The following STRN3 variants were observed in gnomAD, a reference collection of about 807,000 sequenced individuals.
STRN3 encodes striatin 3.
A neutral mutation model predicts 95.6 loss-of-function variants in STRN3; 29 were observed. That is an observed-to-expected ratio of 0.30 (90% CI 0.23 to 0.41). The LOEUF is 0.41. STRN3 is among the 10% of genes least tolerant of loss of function. The pLI, the probability that STRN3 is intolerant of heterozygous loss-of-function variation, is 1.00. For missense variants in STRN3, 890 were observed against 972.1 expected (o/e 0.92, Z 1.12); for synonymous variants, 331 against 357.6 (o/e 0.93, Z 0.84).
chr14:30,942,635 T>C (rs904264964), intron 5 of STRN3, among the ~76,000 whole-genome samples: 2 of 152,204 alleles, frequency 1.3e-5, no homozygotes, highest in African/African-American at 2.4e-5. Context: ...TTCCCAGTTA[T>C]AAGATCTAAG....
intron 5 of STRN3, among the ~76,000 whole-genome samples, chr14:30,939,131 A>T (rs2139085402): frequency 1.3e-5 from 2 of 152,304 alleles, no homozygotes; most frequent in Middle Eastern, 6.8e-3. Flanking sequence ...TTTCATTTGA[A>T]TTATAGCGGA....
intron 1 of STRN3, among the ~76,000 whole-genome samples, chr14:30,959,178 T>C (rs1212339477): frequency 6.6e-6 from 1 of 151,954 alleles, no homozygotes; most frequent in Non-Finnish European, 1.5e-5. Flanking sequence ...ATTTAATAAT[T>C]AACTGAGTGT....
chr14:30,918,965 C>A lies in STRN3; in HGVS notation c.1240+1G>T, dbSNP rs776004462. On this transcript the variant is annotated splice_donor_variant, in intron 9 of 17. Transcript: ENST00000357479. LOFTEE classifies it high-confidence loss of function. ...ATAAACATGGTAGCTAAATTTTGTACCTTCCTCTGCTCTTGCACCTTCATG... is the reference window on the plus strand; with the variant it reads ...ATAAACATGGTAGCTAAATTTTGTAACTTCCTCTGCTCTTGCACCTTCATG... 21 of 1,562,878 alleles carry A rather than the reference C, an allele frequency of 1.3e-5. No individual in the cohort carries two copies. Among genetic ancestry groups the A allele is most frequent in the Non-Finnish European group, 1.6e-5 (19 of 1,153,146 alleles).
intron 1 of STRN3, among the ~76,000 whole-genome samples, chr14:30,981,081 G>A (rs1039132129): frequency 1.3e-5 from 2 of 152,128 alleles, no homozygotes; most frequent in Non-Finnish European, 2.9e-5. Context: ...GCCCAGGCAG[G>A]AGGATCACCT....
chr14:30,938,893 A>T (rs1878956778), intron 5 of STRN3, among the ~76,000 whole-genome samples: 1 of 152,196 alleles, frequency 6.6e-6, no homozygotes, highest in South Asian at 2.1e-4. Context: ...AGGGAAATAA[A>T]AATTAAAGGA....
At chr14:30,915,422 T>C (rs7158162) in intron 9 of STRN3, among the ~76,000 whole-genome samples, 12,525 of 152,212 alleles carry the variant, frequency 0.082, 572 homozygotes, top group Non-Finnish European at 0.11. Flanking sequence ...AAAATGAATC[T>C]GAAAGCACCT....
At chr14:30,943,327 A>G (rs1480451446) in intron 5 of STRN3, among the ~76,000 whole-genome samples, 7 of 152,202 alleles carry the variant, frequency 4.6e-5, no homozygotes, top group Non-Finnish European at 8.8e-5. Context: ...TCATGCCTAT[A>G]ATCTTAGCAC....
chr14:30,949,956 A>G (rs1391792986), intron 4 of STRN3, among the ~76,000 whole-genome samples: 1 of 152,170 alleles, frequency 6.6e-6, no homozygotes, highest in East Asian at 1.9e-4. Context: ...AGTTAACTAG[A>G]AAGAGACAGA....
intron 1 of STRN3, among the ~76,000 whole-genome samples, chr14:30,971,355 C>A (rs531015146): frequency 6.6e-6 from 1 of 152,166 alleles, no homozygotes; most frequent in South Asian, 2.1e-4. Context: ...TCAACTCTCA[C>A]GTCTATTTAG....
At chr14:30,984,568 A>G (rs1392839796) in intron 1 of STRN3, among the ~76,000 whole-genome samples, 1 of 151,994 alleles carries the variant, frequency 6.6e-6, no homozygotes, top group East Asian at 1.9e-4. Context: ...TCACGAGGTC[A>G]AGAGATCGAG....
chr14:30,933,000 C>T (rs1250665205), intron 7 of STRN3, among the ~76,000 whole-genome samples: 1 of 151,936 alleles, frequency 6.6e-6, no homozygotes, highest in Non-Finnish European at 1.5e-5. Context: ...GCTGACTGGG[C>T]ATGGTGGCTC....
chr14:30,918,963 T>C lies in STRN3; in HGVS notation c.1240+3A>G, dbSNP rs1896810402. On this transcript the variant is annotated splice_donor_region_variant and intron_variant, in intron 9 of 17. Transcript: ENST00000357479. ...AAATAAACATGGTAGCTAAATTTTG[T>C]ACCTTCCTCTGCTCTTGCACCTTCA... is the stretch of plus-strand genomic sequence containing the variant. 6.4e-7 allele frequency: 1 copy of C among 1,564,136 alleles called. No homozygotes were observed. The highest frequency in any genetic ancestry group is 8.7e-7 in the Non-Finnish European group (1 of 1,153,674).
At chr14:30,899,747 C>G (rs1011624407) in intron 16 of STRN3, among the ~76,000 whole-genome samples, 8 of 151,982 alleles carry the variant, frequency 5.3e-5, no homozygotes, top group African/African-American at 1.7e-4. Flanking sequence ...ACATACCCCC[C>G]CCACCCCCTC....
At chr14:30,911,957 A>G (rs956022174) in intron 11 of STRN3, 50 bp downstream of exon 11, 1 of 1,583,014 alleles carries the variant, frequency 6.3e-7, no homozygotes, top group East Asian at 2.2e-5. Flanking sequence ...ATAATTACTT[A>G]TATTAGCAAA....
intron 1 of STRN3, among the ~76,000 whole-genome samples, chr14:30,957,811 A>C (rs942895172): frequency 1.3e-5 from 2 of 152,220 alleles, no homozygotes; most frequent in African/African-American, 4.8e-5. Flanking sequence ...CATTGACAAT[A>C]AAACTAATTT....
At chr14:30,956,713 A>G (rs189476338) in intron 1 of STRN3, among the ~76,000 whole-genome samples, 10 of 152,336 alleles carry the variant, frequency 6.6e-5, no homozygotes, top group Non-Finnish European at 1.2e-4. Context: ...CATAACCTTG[A>G]AAGAAAAATA....
chr14:31,025,806 C>T, intron 1 of STRN3, 98 bp downstream of exon 1: 1 of 1,507,728 alleles, frequency 6.6e-7, no homozygotes. Flanking sequence ...CGCTCGGCCT[C>T]CCAAGGCGCC....
chr14:30,953,057 G>A (rs1304334932), intron 3 of STRN3, among the ~76,000 whole-genome samples: 1 of 152,018 alleles, frequency 6.6e-6, no homozygotes, highest in Admixed American at 6.6e-5. Flanking sequence ...TCTCTGTATG[G>A]CAATACAGAT....
At position 30,913,599 on chromosome 14, in the gene STRN3, A is replaced by G. The variant is rs763594614; in HGVS notation, c.1299T>C (p.Asp433=). Reference sequence around the variant, plus strand: ...CAAGGCCCAGTACACTTAACAAAACATCATCAGAACCCATAATAAATGACT... The same window carrying G: ...CAAGGCCCAGTACACTTAACAAAACGTCATCAGAACCCATAATAAATGACT... ...GGKSFIMGSD[D]VLLSVLGLGD... Residue 433 remains aspartate (D), a synonymous_variant, in exon 10 of 18, where the codon GAT becomes GAC. Coordinates refer to ENST00000357479, the MANE Select transcript of STRN3 (RefSeq NM_001083893.2). The G allele has an allele frequency of 6.2e-7, 1 of 1,613,976 alleles. No homozygotes were observed. Among genetic ancestry groups the G allele is most frequent in the Non-Finnish European group, 8.5e-7 (1 of 1,179,916 alleles).
Sources: allele counts gnomAD v4.1 joint callset (sites outside exome capture counted in the v4.1 genomes callset), GRCh38; gene constraint gnomAD v4.1.1; transcripts MANE v1.5; gene names NCBI Gene and HGNC (gene_info 2026-07-23, HGNC 2026-07-21).